Variants in SUMF1 observed in about 807,000 individuals in gnomAD.
SUMF1 encodes sulfatase modifying factor 1.
Under a neutral mutation model 47.6 loss-of-function variants are expected in SUMF1, and 48 were observed. The ratio of observed to expected loss-of-function variants is 1.01; its 90% CI spans 0.80 to 1.28. The LOEUF (loss-of-function observed/expected upper bound fraction) is 1.28. SUMF1 is among the 50% of genes most tolerant of loss of function. The pLI is 0.00. For missense variants in SUMF1, 571 were observed against 485.4 expected, an observed-to-expected ratio of 1.18 and a Z score of -1.66; for synonymous variants, 230 against 192.1, an observed-to-expected ratio of 1.20 and a Z score of -1.63.
chr3:4,383,758 T>A (rs1265746816), intron 7 of SUMF1, among the ~76,000 whole-genome samples: 1 of 152,188 alleles, frequency 6.6e-6, no homozygotes, highest in Non-Finnish European at 1.5e-5. Context: ...GGGGAAGCGA[T>A]GTGAACATGA....
intron 8 of SUMF1, among the ~76,000 whole-genome samples, chr3:4,222,541 G>C (rs1696089984): frequency 6.6e-6 from 1 of 151,942 alleles, no homozygotes; most frequent in South Asian, 2.1e-4. Context: ...TGTAGGGTTG[G>C]TTTGTGAGTT....
intron 8 of SUMF1, among the ~76,000 whole-genome samples, chr3:4,342,590 T>A (rs1260986087): frequency 3.3e-5 from 5 of 152,218 alleles, no homozygotes; most frequent in Non-Finnish European, 7.3e-5. Flanking sequence ...CAGTTTTATA[T>A]GGCTGGTTTC....
At chr3:4,286,143 G>T (rs942241474) in intron 8 of SUMF1, among the ~76,000 whole-genome samples, 21 of 151,710 alleles carry the variant, frequency 1.4e-4, no homozygotes, top group Non-Finnish European at 1.5e-5. Context: ...TTTTTTCTCT[G>T]GTTTTTATTG....
At chr3:4,465,851 G>C (rs987610437) in intron 1 of SUMF1, among the ~76,000 whole-genome samples, 25 of 152,260 alleles carry the variant, frequency 1.6e-4, no homozygotes, top group African/African-American at 5.5e-4. Flanking sequence ...GGCAGGATAC[G>C]GAAATATTGA....
rs1696124136 is a variant in SUMF1 at position 4,224,066 on chromosome 3, G to A, written c.1014+152264C>T. 3.9e-5 allele frequency among the ~76,000 whole-genome samples: 6 copies of A among 152,206 alleles called. 1 individual carries two copies. The South Asian group carries it at 1.2e-3, about 32-fold the overall frequency. On this transcript the variant is annotated intron_variant and NMD_transcript_variant, in intron 8 of 12. Transcript: ENST00000448413. ...GGCAAAAGAACCAGGGGCCGGGGGT[G>A]GAGTGTGATGAAGATGGACAAAACC... is the stretch of plus-strand genomic sequence containing the variant.
chr3:4,422,359 T>A lies in SUMF1; in HGVS notation c.520-2213A>T, dbSNP rs189447251. On this transcript the variant is annotated intron_variant, in intron 3 of 8. Coordinates refer to ENST00000272902, the MANE Select transcript of SUMF1 (RefSeq NM_182760.4). ...ACACTAAGCACCACCACCAGAAGGTTCTAGTTCTTAAATTAAAAAATAAAA... is the reference window on the plus strand; with the variant it reads ...ACACTAAGCACCACCACCAGAAGGTACTAGTTCTTAAATTAAAAAATAAAA... Among the ~76,000 whole-genome samples, 52 of 152,288 alleles carry A rather than the reference T, an allele frequency of 3.4e-4. 1 individual carries two copies. Among genetic ancestry groups the A allele is most frequent in the African/African-American group, 1.3e-3 (52 of 41,550 alleles).
At chr3:4,176,228 C>T (rs1226783641) in intron 8 of SUMF1, among the ~76,000 whole-genome samples, 1 of 152,124 alleles carries the variant, frequency 6.6e-6, no homozygotes, top group Non-Finnish European at 1.5e-5. Flanking sequence ...CCCCAAGACA[C>T]ATAATCATCA....
At chr3:4,327,122 C>A (rs554991147) in intron 8 of SUMF1, among the ~76,000 whole-genome samples, 1 of 152,072 alleles carries the variant, frequency 6.6e-6, no homozygotes, top group Non-Finnish European at 1.5e-5. Flanking sequence ...AAAAATAGAT[C>A]GATTTTTTTC....
intron 4 of SUMF1, among the ~76,000 whole-genome samples, 191 bp from the exon 5 acceptor site, chr3:4,418,323 C>T (rs1013063834): frequency 2.0e-5 from 3 of 152,312 alleles, no homozygotes; most frequent in South Asian, 4.1e-4. Context: ...CCCAGGCTCC[C>T]AAATGGGTTA....
At chr3:4,199,519 T>G (rs1559558519) in intron 8 of SUMF1, among the ~76,000 whole-genome samples, 1 of 152,170 alleles carries the variant, frequency 6.6e-6, no homozygotes, top group South Asian at 2.1e-4. Flanking sequence ...GTATGGTAAT[T>G]ACGTGTTCAA....
At chr3:4,057,568 T>C (rs1333163607) in intron 9 of SUMF1, among the ~76,000 whole-genome samples, 1 of 152,136 alleles carries the variant, frequency 6.6e-6, no homozygotes. Flanking sequence ...TATCTGGTCT[T>C]TGGTTTCCAT....
intron 8 of SUMF1, among the ~76,000 whole-genome samples, chr3:4,271,308 T>C (rs1256632724): frequency 6.6e-6 from 1 of 152,166 alleles, no homozygotes; most frequent in Non-Finnish European, 1.5e-5. Flanking sequence ...CTTGGTGTTC[T>C]TGGGCCAACC....
intron 8 of SUMF1, among the ~76,000 whole-genome samples, chr3:4,331,415 A>G (rs1279606060): frequency 6.6e-6 from 1 of 152,176 alleles, no homozygotes; most frequent in African/African-American, 2.4e-5. Context: ...ACTTTTAGTA[A>G]CTCTTATTTT....
chr3:4,382,674 C>T (rs1294490594), intron 7 of SUMF1, among the ~76,000 whole-genome samples: 6 of 152,122 alleles, frequency 3.9e-5, no homozygotes, highest in South Asian at 2.1e-4. Context: ...CCAACCCAAA[C>T]GCCCACCAAT....
At chr3:4,259,523 A>T (rs1697039779) in intron 8 of SUMF1, among the ~76,000 whole-genome samples, 1 of 152,156 alleles carries the variant, frequency 6.6e-6, no homozygotes, top group South Asian at 2.1e-4. Context: ...TCGATGTGGG[A>T]TATAAGGCTT....
chr3:4,311,261 A>C (rs906879535), intron 8 of SUMF1, among the ~76,000 whole-genome samples: 5 of 152,138 alleles, frequency 3.3e-5, no homozygotes, highest in Non-Finnish European at 7.3e-5. Flanking sequence ...CGAGGCCTCC[A>C]CAGGGAGTAT....
At chr3:4,186,032 G>C (rs755799447) in intron 8 of SUMF1, among the ~76,000 whole-genome samples, 1 of 152,174 alleles carries the variant, frequency 6.6e-6, no homozygotes, top group African/African-American at 2.4e-5. Context: ...CCTATGGACA[G>C]TATCTTCAAG....
chr3:4,404,955 T>C (rs555008737), intron 7 of SUMF1, among the ~76,000 whole-genome samples: 21 of 152,220 alleles, frequency 1.4e-4, no homozygotes, highest in African/African-American at 4.3e-4. Flanking sequence ...AAAGATGATA[T>C]GATATTTACC....
intron 3 of SUMF1, among the ~76,000 whole-genome samples, chr3:4,443,832 G>A (rs759236831): frequency 6.6e-6 from 1 of 151,796 alleles, no homozygotes; most frequent in African/African-American, 2.4e-5. Flanking sequence ...ACTGAAAATG[G>A]GTAAAAAGAA....
Sources: allele counts gnomAD v4.1 joint callset (sites outside exome capture counted in the v4.1 genomes callset), GRCh38; gene constraint gnomAD v4.1.1; transcripts MANE v1.5; gene names NCBI Gene and HGNC (gene_info 2026-07-23, HGNC 2026-07-21).